CADM2: variants seen among roughly 807,000 people sequenced by gnomAD.
The protein encoded by CADM2 is cell adhesion molecule 2.
CADM2 carries 12 observed loss-of-function variants against 49.8 expected under a neutral mutation model. That is an observed-to-expected ratio of 0.24 (90% CI 0.15 to 0.39). The LOEUF is 0.39. CADM2 is among the 10% of genes least tolerant of loss of function. CADM2 has a pLI of 1.00. For missense variants in CADM2, 378 were observed against 492.3 expected (o/e 0.77, Z 2.20); for synonymous variants, 214 against 175.4 (o/e 1.22, Z -1.74).
At chr3:85,033,087 T>G (rs2035057524) in intron 1 of CADM2, among the ~76,000 whole-genome samples, 1 of 152,134 alleles carries the variant, frequency 6.6e-6, no homozygotes, top group African/African-American at 2.4e-5. Flanking sequence ...TTTGCTTTCG[T>G]TTTTAATTAA....
At chr3:86,049,482 G>A (rs1016414222) in intron 8 of CADM2, among the ~76,000 whole-genome samples, 1 of 151,868 alleles carries the variant, frequency 6.6e-6, no homozygotes, top group Non-Finnish European at 1.5e-5. Flanking sequence ...CACCATGTTA[G>A]CCAGGATGGT....
intron 8 of CADM2, among the ~76,000 whole-genome samples, chr3:86,048,356 G>A (rs1292551883): frequency 6.6e-6 from 1 of 151,776 alleles, no homozygotes; most frequent in African/African-American, 2.4e-5. Context: ...TATGAATTAA[G>A]TTTATTACCA....
intron 1 of CADM2, among the ~76,000 whole-genome samples, chr3:85,695,831 C>T (rs1421447592): frequency 2.0e-5 from 3 of 152,024 alleles, no homozygotes; most frequent in African/African-American, 7.2e-5. Flanking sequence ...GAGAAATCTC[C>T]ATATTGTTTT....
chr3:85,768,758 TA>T (rs1271250403), intron 2 of CADM2, among the ~76,000 whole-genome samples: 6 of 138,188 alleles, frequency 4.3e-5, no homozygotes, highest in South Asian at 2.2e-4. Context: ...TATACATATA[TA>T]GTATATATAC....
chr3:85,283,121 A>G (rs1439894584), intron 1 of CADM2, among the ~76,000 whole-genome samples: 4 of 152,058 alleles, frequency 2.6e-5, no homozygotes, highest in South Asian at 4.1e-4. Flanking sequence ...TCAATTTTAT[A>G]TTCATTGGAT....
intron 3 of CADM2, among the ~76,000 whole-genome samples, chr3:85,864,770 T>G (rs2075662570): frequency 6.6e-6 from 1 of 152,264 alleles, no homozygotes; most frequent in Non-Finnish European, 1.5e-5. Context: ...TGGAAGCATC[T>G]TAAACACACT....
chr3:86,040,043 T>G (rs1735668335), intron 8 of CADM2, among the ~76,000 whole-genome samples: 1 of 151,998 alleles, frequency 6.6e-6, no homozygotes. Context: ...GAAGGAAAAC[T>G]AACAAACAGA....
At chr3:85,905,806 A>T (rs1282972022) in intron 5 of CADM2, among the ~76,000 whole-genome samples, 1 of 152,294 alleles carries the variant, frequency 6.6e-6, no homozygotes, top group African/African-American at 2.4e-5. Flanking sequence ...ATACAAGGTA[A>T]CCTGTTGAAA....
At chr3:85,206,965 C>A (rs1033975083) in intron 1 of CADM2, among the ~76,000 whole-genome samples, 1 of 140,736 alleles carries the variant, frequency 7.1e-6, no homozygotes, top group South Asian at 2.1e-4. Context: ...AAGGCCATAA[C>A]CTCCCCCCCT....
intron 1 of CADM2, among the ~76,000 whole-genome samples, chr3:85,010,499 T>G (rs770074314): frequency 7.9e-5 from 12 of 152,212 alleles, no homozygotes; most frequent in Non-Finnish European, 1.5e-4. Flanking sequence ...TCCATAATTC[T>G]ATTACTGACT....
chr3:85,288,790 C>CCA (rs200839832), intron 1 of CADM2, among the ~76,000 whole-genome samples: 1 of 132,600 alleles, frequency 7.5e-6, no homozygotes, highest in African/African-American at 2.6e-5. Context: ...ATATGCCCCC[C>CCA]CCCCCTCTTT....
At chr3:85,797,780 T>TGG (rs1295995447) in intron 2 of CADM2, among the ~76,000 whole-genome samples, 1 of 152,180 alleles carries the variant, frequency 6.6e-6, no homozygotes, top group African/African-American at 2.4e-5. Context: ...TACCCAGTAG[T>TGG]GGGATTGCTG....
intron 1 of CADM2, among the ~76,000 whole-genome samples, chr3:85,207,881 G>A (rs2041688096): frequency 6.6e-6 from 1 of 152,066 alleles, no homozygotes; most frequent in African/African-American, 2.4e-5. Flanking sequence ...GCATAAGAAA[G>A]CCCTCCTGTT....
At chr3:85,994,898 T>C (rs1729181401) in intron 8 of CADM2, among the ~76,000 whole-genome samples, 1 of 151,712 alleles carries the variant, frequency 6.6e-6, no homozygotes, top group African/African-American at 2.4e-5. Context: ...GATGAAAGCT[T>C]GAAATATTGT....
At chr3:85,719,594 G>A (rs2067423929) in intron 1 of CADM2, among the ~76,000 whole-genome samples, 1 of 152,154 alleles carries the variant, frequency 6.6e-6, no homozygotes, top group Non-Finnish European at 1.5e-5. Context: ...TTCATTAAGT[G>A]GAGGTGGATC....
At chr3:86,040,758 G>C (rs1319389490) in intron 8 of CADM2, among the ~76,000 whole-genome samples, 1 of 152,056 alleles carries the variant, frequency 6.6e-6, no homozygotes, top group Non-Finnish European at 1.5e-5. Context: ...CTCGAGAAGA[G>C]CAACTCCAAG....
chr3:85,694,005 C>A (rs943333909), intron 1 of CADM2, among the ~76,000 whole-genome samples: 2 of 151,274 alleles, frequency 1.3e-5, no homozygotes, highest in Admixed American at 6.6e-5. Context: ...ATGGAATGAC[C>A]GACTTTTGGT....
intron 1 of CADM2, among the ~76,000 whole-genome samples, chr3:85,360,305 A>G (rs2032266111): frequency 6.6e-6 from 1 of 152,164 alleles, no homozygotes; most frequent in South Asian, 2.1e-4. Flanking sequence ...CAAAAATATA[A>G]AATAAGTTTT....
chr3:85,764,819 T>C (rs1358912963), intron 2 of CADM2, among the ~76,000 whole-genome samples: 1 of 152,072 alleles, frequency 6.6e-6, no homozygotes, highest in African/African-American at 2.4e-5. Flanking sequence ...TATCTCCTTT[T>C]ATGTTCTCAA....
Sources: allele counts gnomAD v4.1 joint callset (sites outside exome capture counted in the v4.1 genomes callset), GRCh38; gene constraint gnomAD v4.1.1; transcripts MANE v1.5; gene names NCBI Gene and HGNC (gene_info 2026-07-23, HGNC 2026-07-21).